PDE4D: variants seen among roughly 807,000 people sequenced by gnomAD.
PDE4D encodes phosphodiesterase 4D.
In PDE4D, 24 loss-of-function variants were observed where a neutral mutation model predicts 87.4. The observed-to-expected ratio is 0.27, with a 90% CI of 0.20 to 0.39. PDE4D has a LOEUF of 0.39. Ranked by LOEUF, PDE4D falls within the 10% of genes least tolerant of loss-of-function variation. The pLI, the probability that PDE4D is intolerant of heterozygous loss-of-function variation, is 1.00. For missense variants in PDE4D, 714 were observed against 1,041.0 expected, an observed-to-expected ratio of 0.69 and a Z score of 4.32; for synonymous variants, 384 against 383.2, an observed-to-expected ratio of 1.00 and a Z score of -0.02.
intron 1 of PDE4D, among the ~76,000 whole-genome samples, chr5:59,826,503 G>A (rs924558045): frequency 7.9e-6 from 1 of 126,632 alleles, no homozygotes; most frequent in South Asian, 2.5e-4. Flanking sequence ...TTGGAAAATC[G>A]AGAACTTTTT....
intron 6 of PDE4D, among the ~76,000 whole-genome samples, chr5:59,030,422 C>CAAAAAAAAAAA (rs373275661): frequency 4.3e-3 from 247 of 57,800 alleles, no homozygotes; most frequent in Middle Eastern, 0.03. Flanking sequence ...AACAGAGATA[C>CAAAAAAAAAAA]AAAAAAAAAA....
At chr5:59,945,756 A>G (rs1757667779) in intron 3 of PDE4D, among the ~76,000 whole-genome samples, 1 of 152,234 alleles carries the variant, frequency 6.6e-6, no homozygotes, top group African/African-American at 2.4e-5. Flanking sequence ...TGGTGAGGAA[A>G]GGTGACATTG....
chr5:59,871,470 T>C (rs1321890390), intron 1 of PDE4D, among the ~76,000 whole-genome samples: 1 of 152,222 alleles, frequency 6.6e-6, no homozygotes, highest in East Asian at 1.9e-4. Context: ...AACTGTAAAG[T>C]AACAAATGTG....
At chr5:59,646,187 C>T (rs545484219) in intron 1 of PDE4D, among the ~76,000 whole-genome samples, 1 of 152,310 alleles carries the variant, frequency 6.6e-6, no homozygotes, top group African/African-American at 2.4e-5. Context: ...ACATTCAATA[C>T]ATATTCCAAT....
chr5:59,528,323 A>G (rs186094540), intron 1 of PDE4D, among the ~76,000 whole-genome samples: 67 of 152,348 alleles, frequency 4.4e-4, no homozygotes, highest in Middle Eastern at 3.4e-3. Flanking sequence ...TGGGAAGGAC[A>G]GCTAAGAGAA....
At chr5:59,076,187 A>G (rs1765656688) in intron 5 of PDE4D, among the ~76,000 whole-genome samples, 1 of 152,188 alleles carries the variant, frequency 6.6e-6, no homozygotes, top group Admixed American at 6.5e-5. Flanking sequence ...TACATTTTAT[A>G]CAGTGTGTAC....
chr5:58,988,404 C>T, intron 11 of PDE4D, 89 bp downstream of exon 11: 1 of 468,624 alleles, frequency 2.1e-6, no homozygotes. Context: ...AACATTATGG[C>T]TCTGGAAGAC....
intron 5 of PDE4D, among the ~76,000 whole-genome samples, chr5:59,089,217 G>T (rs1011907050): frequency 6.6e-6 from 1 of 152,112 alleles, no homozygotes; most frequent in Non-Finnish European, 1.5e-5. Context: ...TGTGCTAAGT[G>T]AGCTGGAGTT....
intron 2 of PDE4D, among the ~76,000 whole-genome samples, chr5:59,995,299 C>T (rs1353435363): frequency 6.7e-6 from 1 of 150,072 alleles, no homozygotes; most frequent in African/African-American, 2.4e-5. Flanking sequence ...AACCATTTCT[C>T]TTTTCTTTTC....
chr5:59,637,207 A>T (rs1441054287), intron 1 of PDE4D, among the ~76,000 whole-genome samples: 1 of 152,208 alleles, frequency 6.6e-6, no homozygotes, highest in East Asian at 1.9e-4. Context: ...ACCATCTCAC[A>T]CCAGTTAGAA....
At chr5:59,384,359 C>A (rs1161186626) in intron 1 of PDE4D, among the ~76,000 whole-genome samples, 3 of 152,126 alleles carry the variant, frequency 2.0e-5, no homozygotes, top group African/African-American at 7.2e-5. Flanking sequence ...CTAATTCTGG[C>A]CAATCAGCAG....
At chr5:59,602,531 T>C (rs952253323) in intron 1 of PDE4D, among the ~76,000 whole-genome samples, 13 of 152,034 alleles carry the variant, frequency 8.6e-5, no homozygotes, top group Admixed American at 7.2e-4. Flanking sequence ...ACATTAAAGA[T>C]GACACAAATG....
At chr5:60,059,464 A>G (rs1344696484) in intron 2 of PDE4D, among the ~76,000 whole-genome samples, 1 of 152,050 alleles carries the variant, frequency 6.6e-6, no homozygotes, top group Non-Finnish European at 1.5e-5. Context: ...TAATGGTAGT[A>G]AGGAACTGAA....
At chr5:59,148,488 C>T (rs900375221) in intron 5 of PDE4D, among the ~76,000 whole-genome samples, 1 of 151,968 alleles carries the variant, frequency 6.6e-6, no homozygotes, top group African/African-American at 2.4e-5. Context: ...GAGACAATGA[C>T]AATAGATCCA....
intron 1 of PDE4D, among the ~76,000 whole-genome samples, chr5:60,251,187 A>G (rs1320528143): frequency 6.6e-6 from 1 of 152,010 alleles, no homozygotes; most frequent in Non-Finnish European, 1.5e-5. Context: ...AAAATTAGCT[A>G]TTAATTTTTT....
At chr5:59,101,562 C>T (rs1250574368) in intron 5 of PDE4D, among the ~76,000 whole-genome samples, 2 of 152,174 alleles carry the variant, frequency 1.3e-5, no homozygotes, top group Non-Finnish European at 2.9e-5. Context: ...GATAGAATTT[C>T]TGCCTCTCCA....
At chr5:59,196,096 GA>G (rs1343451323) in intron 2 of PDE4D, among the ~76,000 whole-genome samples, 4 of 152,002 alleles carry the variant, frequency 2.6e-5, no homozygotes, top group Admixed American at 2.0e-4. Flanking sequence ...AAGTTCTGGG[GA>G]AAAAAAGATA....
At chr5:60,071,323 C>T (rs1012684831) in intron 2 of PDE4D, among the ~76,000 whole-genome samples, 1 of 151,860 alleles carries the variant, frequency 6.6e-6, no homozygotes, top group Non-Finnish European at 1.5e-5. Context: ...ATTTCTTTAG[C>T]AAATGGGATG....
At chr5:59,073,487 A>G (rs978370815) in intron 5 of PDE4D, among the ~76,000 whole-genome samples, 50 of 125,534 alleles carry the variant, frequency 4.0e-4, no homozygotes, top group African/African-American at 1.5e-3. Context: ...TGCTGAAGAT[A>G]CAGAAAATAA....
Sources: allele counts gnomAD v4.1 joint callset (sites outside exome capture counted in the v4.1 genomes callset), GRCh38; gene constraint gnomAD v4.1.1; transcripts MANE v1.5; gene names NCBI Gene and HGNC (gene_info 2026-07-23, HGNC 2026-07-21).